The following RNF216 variants were observed in gnomAD, a reference collection of about 807,000 sequenced individuals.
The protein encoded by RNF216 is E3 ubiquitin-protein ligase RNF216.
In RNF216, 72 loss-of-function variants were observed where a neutral mutation model predicts 110.8. The ratio of observed to expected loss-of-function variants is 0.65; its 90% confidence interval spans 0.54 to 0.79. The LOEUF is 0.79. Ranked by LOEUF, RNF216 falls within the 30% of genes least tolerant of loss-of-function variation. The pLI, the probability that RNF216 is intolerant of heterozygous loss-of-function variation, is 0.00. For synonymous variants in RNF216, 495 were observed against 407.5 expected (o/e 1.21, Z -2.59); for missense variants, 1,342 against 1,141.2 (o/e 1.18, Z -2.54).
chr7:5,750,585 T>C (rs1211033059), intron 3 of RNF216, among the ~76,000 whole-genome samples: 1 of 152,242 alleles, frequency 6.6e-6, no homozygotes, highest in Non-Finnish European at 1.5e-5. Flanking sequence ...TGAAGCCCTA[T>C]AAGCTGAAGC....
chr7:5,720,438 A>C (rs955525060), intron 9 of RNF216, among the ~76,000 whole-genome samples: 3 of 152,206 alleles, frequency 2.0e-5, no homozygotes, highest in African/African-American at 7.2e-5. Flanking sequence ...AAAACATACC[A>C]AACGTGCTCA....
At chr7:5,690,089 G>T (rs1791239847) in intron 13 of RNF216, among the ~76,000 whole-genome samples, 2 of 152,162 alleles carry the variant, frequency 1.3e-5, no homozygotes, top group Admixed American at 1.3e-4. Flanking sequence ...AGCACTCTGG[G>T]AGGCTTAGGC....
intron 15 of RNF216, among the ~76,000 whole-genome samples, chr7:5,635,321 T>C (rs1020493448): frequency 1.3e-5 from 2 of 150,144 alleles, no homozygotes; most frequent in African/African-American, 4.9e-5. Flanking sequence ...CACACAATGA[T>C]ATTTATGACA....
At chr7:5,761,822 G>C (rs1357600465) in intron 1 of RNF216, among the ~76,000 whole-genome samples, 1 of 152,094 alleles carries the variant, frequency 6.6e-6, no homozygotes, top group Non-Finnish European at 1.5e-5. Flanking sequence ...CAAACCACTG[G>C]GGTGGCAAAA....
intron 13 of RNF216, among the ~76,000 whole-genome samples, chr7:5,665,967 G>T (rs375148061): frequency 6.6e-6 from 1 of 151,942 alleles, no homozygotes; most frequent in Non-Finnish European, 1.5e-5. Context: ...AGATCGAGAC[G>T]ATCCTGGCTA....
chr7:5,774,391 A>G (rs920721989), intron 1 of RNF216, among the ~76,000 whole-genome samples: 20 of 152,218 alleles, frequency 1.3e-4, no homozygotes, highest in African/African-American at 4.3e-4. Flanking sequence ...GTAAGCTATG[A>G]TAGCACCATT....
intron 13 of RNF216, among the ~76,000 whole-genome samples, chr7:5,702,455 G>T (rs1792030639): frequency 6.6e-6 from 1 of 152,120 alleles, no homozygotes; most frequent in African/African-American, 2.4e-5. Context: ...CCTATTTCGG[G>T]TTGTCAGCTC....
chr7:5,749,001 C>A (rs946348982), intron 3 of RNF216, among the ~76,000 whole-genome samples: 1 of 151,952 alleles, frequency 6.6e-6, no homozygotes, highest in Non-Finnish European at 1.5e-5. Context: ...CTCTGATAAT[C>A]GGTTTAAGGA....
At chr7:5,761,177 G>A (rs1392541495) in intron 1 of RNF216, 39 bp from the exon 2 acceptor site, 4 of 571,304 alleles carry the variant, frequency 7.0e-6, no homozygotes, top group African/African-American at 4.0e-5. Flanking sequence ...GAATGAGGGA[G>A]TATCAAAACT....
At chr7:5,768,952 T>C (rs1017753624) in intron 1 of RNF216, among the ~76,000 whole-genome samples, 2 of 151,848 alleles carry the variant, frequency 1.3e-5, no homozygotes, top group African/African-American at 2.4e-5. Flanking sequence ...TGAGCCACTG[T>C]GCCCGGCCAA....
At chr7:5,653,019 T>C (rs1788492777) in intron 13 of RNF216, among the ~76,000 whole-genome samples, 1 of 152,184 alleles carries the variant, frequency 6.6e-6, no homozygotes, top group Admixed American at 6.5e-5. Context: ...TGGCAGGGCC[T>C]GTTTGGATCT....
At chr7:5,676,542 C>G (rs1022974357) in intron 13 of RNF216, among the ~76,000 whole-genome samples, 2 of 152,056 alleles carry the variant, frequency 1.3e-5, no homozygotes, top group African/African-American at 2.4e-5. Context: ...TCACAGTCTC[C>G]CGTCCGTCCT....
chr7:5,690,156 T>C (rs984264062), intron 13 of RNF216, among the ~76,000 whole-genome samples: 10 of 151,022 alleles, frequency 6.6e-5, no homozygotes, highest in African/African-American at 2.2e-4. Context: ...TGAAACCCTG[T>C]CTCTACTAAA....
chr7:5,648,184 A>G lies in RNF216; in HGVS notation c.2159+4229T>C, dbSNP rs112068683. ...TGCAATGGCGTGATCTCGGCTCACC[A>G]TAACCTCTGCCCCATAGGTTCAAGT... On this transcript the variant is annotated intron_variant, in intron 14 of 16. Transcript: ENST00000389902. 5.8e-3 allele frequency among the ~76,000 whole-genome samples: 867 copies of G among 150,412 alleles called. 9 individuals are homozygous for G. The highest frequency in any genetic ancestry group is 0.02 in the African/African-American group (819 of 41,062).
At chr7:5,761,586 G>A (rs1795937375) in intron 1 of RNF216, among the ~76,000 whole-genome samples, 1 of 152,174 alleles carries the variant, frequency 6.6e-6, no homozygotes, top group Non-Finnish European at 1.5e-5. Flanking sequence ...AGGAGTTTGA[G>A]ACCAGTCTGA....
intron 10 of RNF216, among the ~76,000 whole-genome samples, chr7:5,716,188 G>A (rs987887837): frequency 6.6e-6 from 1 of 151,908 alleles, no homozygotes; most frequent in Non-Finnish European, 1.5e-5. Context: ...CACGGTGCCC[G>A]GCCACCAACC....
At chr7:5,752,201 G>C (rs1562461832) in intron 3 of RNF216, among the ~76,000 whole-genome samples, 1 of 151,680 alleles carries the variant, frequency 6.6e-6, no homozygotes, top group East Asian at 1.9e-4. Context: ...TAAAAAAAAT[G>C]AAAGTACAAT....
chr7:5,695,361 G>A (rs968128281), intron 13 of RNF216, among the ~76,000 whole-genome samples: 2 of 152,108 alleles, frequency 1.3e-5, no homozygotes, highest in African/African-American at 2.4e-5. Flanking sequence ...ACGCCAGCCT[G>A]TCCTGACCTC....
At chr7:5,741,875 T>C in intron 3 of RNF216, 60 bp from the exon 4 acceptor site, 1 of 1,520,028 alleles carries the variant, frequency 6.6e-7, no homozygotes, top group Non-Finnish European at 8.8e-7. Context: ...CCTCCTTATG[T>C]ACTTATATTG....
Sources: gnomAD v4.1 joint callset for allele counts (sites outside exome capture counted in the v4.1 genomes callset) on GRCh38, gnomAD v4.1.1 for gene constraint, MANE v1.5 for transcripts, NCBI Gene and HGNC (gene_info 2026-07-23, HGNC 2026-07-21) for gene names.